The following UST variants were observed in gnomAD, a reference collection of about 807,000 sequenced individuals.
UST encodes the protein chondroitin sulfate 2-O-sulfotransferase.
In UST, 21 loss-of-function variants were observed where a neutral mutation model predicts 45.6. That is an observed-to-expected ratio of 0.46 (90% CI 0.33 to 0.66). UST has a LOEUF of 0.66. Among genes scored for constraint, UST ranks in the 30% least tolerant of loss-of-function variants. The pLI is 0.02. For synonymous variants in UST, 215 were observed against 200.6 expected (o/e 1.07, Z -0.61); for missense variants, 463 against 512.4 (o/e 0.90, Z 0.93).
intron 1 of UST, among the ~76,000 whole-genome samples, chr6:148,835,047 A>G (rs1777760858): frequency 6.6e-6 from 1 of 152,202 alleles, no homozygotes; most frequent in South Asian, 2.1e-4. Context: ...ACATGTTATG[A>G]TCCCTATGCA....
At chr6:148,846,190 AC>A (rs1223326366) in intron 1 of UST, among the ~76,000 whole-genome samples, 2 of 151,190 alleles carry the variant, frequency 1.3e-5, no homozygotes, top group African/African-American at 4.9e-5. Context: ...AAGACTTGGA[AC>A]CAACCCAAAT....
rs187472930 is a variant in UST at position 148,767,587 on chromosome 6, A to G, written c.247+19910A>G. Among the ~76,000 whole-genome samples, 439 of 143,372 alleles carry G rather than the reference A, an allele frequency of 3.1e-3. 4 individuals are homozygous for G. The highest frequency in any genetic ancestry group is 0.011 in the African/African-American group (425 of 37,182). The allele number at this position is 143,372 out of a possible 152,430, so 94.1% of individuals were successfully genotyped here. The stretch of plus-strand genomic sequence containing the variant: ...TTCCTGACATACAAATATTCTAGGT[A>G]AAGTTTTTTTTTTATAGCCAGAGAA... On this transcript the variant is annotated intron_variant, in intron 1 of 7. Transcript: ENST00000367463.
intron 5 of UST, among the ~76,000 whole-genome samples, chr6:149,003,990 G>A (rs1043305119): frequency 2.0e-5 from 3 of 152,146 alleles, no homozygotes; most frequent in Admixed American, 6.5e-5. Context: ...ATTATAGACC[G>A]AATTACAGCA....
intron 1 of UST, among the ~76,000 whole-genome samples, chr6:148,762,533 A>ACCTTT (rs1406385569): frequency 6.9e-6 from 1 of 144,188 alleles, no homozygotes. Flanking sequence ...GCAGGCTTCT[A>ACCTTT]TCTTTTTTTT....
intron 1 of UST, among the ~76,000 whole-genome samples, chr6:148,871,919 A>G (rs1020186028): frequency 2.6e-5 from 4 of 152,138 alleles, no homozygotes; most frequent in Non-Finnish European, 5.9e-5. Context: ...CTTAACCTTC[A>G]CTATTAACCA....
rs184094889 is a variant in UST, at chr6:148,872,331, C to T, written c.248-14655C>T. Reference sequence around the variant, plus strand: ...TATGAGGCTTGATGAAAACTTTCACCGCATATTTTTATGTAATTATTCATA... The same window carrying T: ...TATGAGGCTTGATGAAAACTTTCACTGCATATTTTTATGTAATTATTCATA... On this transcript the variant is annotated intron_variant, in intron 1 of 7. Transcript: ENST00000367463. Among the ~76,000 whole-genome samples the T allele has an allele frequency of 2.7e-3, 405 of 152,058 alleles. 1 individual carries two copies. The highest frequency in any genetic ancestry group is 8.9e-3 in the African/African-American group (371 of 41,478).
At chr6:148,865,688 G>A (rs1174610172) in intron 1 of UST, among the ~76,000 whole-genome samples, 1 of 151,214 alleles carries the variant, frequency 6.6e-6, no homozygotes, top group African/African-American at 2.4e-5. Context: ...GTGTGTGTGT[G>A]TGTGTGTGTG....
rs1343815910 is a variant in UST at position 148,928,274 on chromosome 6, T to A, written c.292-13005T>A. On this transcript the variant is annotated intron_variant, in intron 2 of 7. Transcript: ENST00000367463. Reference sequence around the variant, plus strand: ...CTAAACTCTCCTGATGAGGATTTTCTTATTGCTTAGTCAGGTCCAACTTCT... The same window carrying A: ...CTAAACTCTCCTGATGAGGATTTTCATATTGCTTAGTCAGGTCCAACTTCT... 4.6e-5 allele frequency among the ~76,000 whole-genome samples: 7 copies of A among 152,378 alleles called. No homozygotes were observed. In the South Asian group the frequency reaches 1.4e-3, roughly 32 times the overall value.
Position 148,747,525 on chromosome 6 carries a change from A to C in UST, c.95A>C (p.Lys32Thr). The change falls in exon 1 of 8, where the codon AAG becomes ACG. Residue 32 changes from lysine to threonine, a missense_variant. Lys to Thr is a moderately conservative substitution (Grantham distance 78). This residue lies in a region of UST where 176 missense variants were observed against 138.3 expected (regional missense o/e 1.27). Transcript: ENST00000367463. Reference sequence around the variant, plus strand: ...GCCCCTCCGGGCCTGGGCAGCTGGAAGCGTCGGGTGCCCCTGCTGCCTTTC... The same window carrying C: ...GCCCCTCCGGGCCTGGGCAGCTGGACGCGTCGGGTGCCCCTGCTGCCTTTC... ...GGAPPGLGSW[K>T]RRVPLLPFLR... The C allele has an allele frequency of 6.5e-7, 1 of 1,545,736 alleles. No homozygotes were observed. Among genetic ancestry groups the C allele is most frequent in the Non-Finnish European group, 8.7e-7 (1 of 1,147,040 alleles).
At chr6:149,007,776 G>A (rs945552282) in intron 5 of UST, among the ~76,000 whole-genome samples, 4 of 152,196 alleles carry the variant, frequency 2.6e-5, no homozygotes, top group African/African-American at 9.6e-5. Flanking sequence ...AGAAAGAGAT[G>A]CCAATCTGTC....
chr6:149,073,570 T>A (rs1294359581), intron 7 of UST, among the ~76,000 whole-genome samples: 1 of 152,214 alleles, frequency 6.6e-6, no homozygotes, highest in Non-Finnish European at 1.5e-5. Flanking sequence ...GAGTTAACAA[T>A]TGAATTTGGT....
intron 2 of UST, among the ~76,000 whole-genome samples, chr6:148,910,846 G>A (rs1390601976): frequency 1.3e-5 from 2 of 152,120 alleles, no homozygotes; most frequent in Admixed American, 6.5e-5. Flanking sequence ...TGATAGAAAG[G>A]TGTCTGTTTC....
Position 149,074,340 on chromosome 6 carries a change from G to C in UST, c.*224G>C, listed in dbSNP as rs1455306831. ...CTTTGGGTCTTTCCCGGGTACACTA[G>C]ATGGCTCCATCCCAAGGCATCTTGT... On this transcript the variant is annotated 3_prime_UTR_variant, in exon 8 of 8. Coordinates refer to ENST00000367463, the MANE Select transcript of UST (RefSeq NM_005715.3). The C allele has an allele frequency of 8.9e-6, 5 of 560,974 alleles. No homozygotes were observed. The South Asian group carries it at 1.2e-4, about 14-fold the overall frequency. 34.7% of individuals were successfully genotyped at this position (560,974 alleles called of 1,614,324 possible).
chr6:148,846,613 T>C (rs930476424), intron 1 of UST, among the ~76,000 whole-genome samples: 6 of 150,782 alleles, frequency 4.0e-5, no homozygotes, highest in Non-Finnish European at 8.9e-5. Context: ...TAATAAAAAA[T>C]AAAAATAAAT....
At chr6:149,056,020 CT>C (rs951377047) in intron 7 of UST, among the ~76,000 whole-genome samples, 1 of 151,022 alleles carries the variant, frequency 6.6e-6, no homozygotes, top group Admixed American at 6.6e-5. Context: ...TTTTCCCAGG[CT>C]GCATTTGCAA....
At chr6:148,853,692 T>G (rs1778149128) in intron 1 of UST, among the ~76,000 whole-genome samples, 1 of 152,254 alleles carries the variant, frequency 6.6e-6, no homozygotes, top group Non-Finnish European at 1.5e-5. Context: ...TGGTTTTGAT[T>G]TGTATTTCTC....
chr6:149,021,536 C>T, intron 7 of UST, 55 bp downstream of exon 7: 1 of 1,587,264 alleles, frequency 6.3e-7, no homozygotes, highest in East Asian at 2.2e-5. Flanking sequence ...TCCAGGGCTA[C>T]TCACCTTGAA....
At chr6:148,859,684 A>G (rs541095297) in intron 1 of UST, among the ~76,000 whole-genome samples, 2 of 152,332 alleles carry the variant, frequency 1.3e-5, no homozygotes, top group East Asian at 3.9e-4. Flanking sequence ...GGTGTAAGGA[A>G]GGGATCCAGT....
chr6:149,034,325 G>T lies in UST; in HGVS notation c.937+12844G>T, dbSNP rs142525075. Among the ~76,000 whole-genome samples, 703 of 152,278 alleles carry T rather than the reference G, an allele frequency of 4.6e-3. 3 individuals are homozygous for T. The highest frequency in any genetic ancestry group is 6.4e-3 in the Non-Finnish European group (433 of 68,020). On this transcript the variant is annotated intron_variant, in intron 7 of 7. Transcript: ENST00000367463. The stretch of plus-strand genomic sequence containing the variant: ...TGTGCCATTAGATCTGCCGCATTCA[G>T]TATTACTTTTGGTATTATTTAAATA...
Sources: gnomAD v4.1 joint callset for allele counts (sites outside exome capture counted in the v4.1 genomes callset) on GRCh38, gnomAD v4.1.1 for gene constraint, gnomAD v4.1.1 regional missense constraint, MANE v1.5 for transcripts, NCBI Gene and HGNC (gene_info 2026-07-23, HGNC 2026-07-21) for gene names.